Variants in FOXO3B observed in about 807,000 individuals in gnomAD.
FOXO3B encodes forkhead box O3B, also known as forkhead box protein O3B.
A neutral mutation model predicts 21.9 loss-of-function variants in FOXO3B; 15 were observed. The ratio of observed to expected loss-of-function variants is 0.68; its 90% confidence interval spans 0.46 to 1.05. The LOEUF (loss-of-function observed/expected upper bound fraction) is 1.05, where lower values mean the gene tolerates loss of function less well. FOXO3B is among the 50% of genes least tolerant of loss of function. FOXO3B has a pLI of 0.00. For missense variants in FOXO3B, 293 were observed against 435.5 expected (o/e 0.67, Z 2.91); for synonymous variants, 135 against 213.6 (o/e 0.63, Z 3.21).
chr17:18,677,866 G>T lies in FOXO3B; in HGVS notation c.126+2875C>A, dbSNP rs1249151234. 4 of 869,804 alleles carry T rather than the reference G, an allele frequency of 4.6e-6. No individual in the cohort carries two copies. The African/African-American group carries it at 7.4e-5, about 16-fold the overall frequency. The allele number at this position is 869,804 out of a possible 1,614,324, so 53.9% of individuals were successfully genotyped here. On this transcript the variant is annotated intron_variant, in intron 3 of 3. Coordinates refer to ENST00000395675, the MANE Select transcript of FOXO3B (RefSeq NM_001368135.1). ...TGGCTGGGGTCGGGGAGGGTACAGG[G>T]GGCACTGAGACCTGGATTTGTTTTT...
intron 2 of FOXO3B, among the ~76,000 whole-genome samples, 158 bp from the exon 3 acceptor site, chr17:18,680,987 G>A (rs1456669046): frequency 1.3e-5 from 2 of 151,898 alleles, no homozygotes; most frequent in East Asian, 1.9e-4. Flanking sequence ...CCCTCTTCCC[G>A]GGATATGCGG....
At chr17:18,678,095 GA>G (rs1433176061) in intron 3 of FOXO3B, among the ~76,000 whole-genome samples, 1 of 151,812 alleles carries the variant, frequency 6.6e-6, no homozygotes, top group Non-Finnish European at 1.5e-5. Flanking sequence ...AAAATTAGAA[GA>G]AAAAGCCAGA....
chr17:18,673,243 A>G (rs1178118124), intron 3 of FOXO3B, among the ~76,000 whole-genome samples, 188 bp from the exon 4 acceptor site: 2 of 152,222 alleles, frequency 1.3e-5, no homozygotes, highest in African/African-American at 2.4e-5. Context: ...AAAAAAATAT[A>G]CTGTGCTAAC....
intron 3 of FOXO3B, chr17:18,677,706 A>C (rs930087269): frequency 2.8e-5 from 45 of 1,600,290 alleles, no homozygotes; most frequent in Admixed American, 1.2e-4. Context: ...GCGCGATAAG[A>C]AGCTGGCGGC....
At chr17:18,675,988 A>G (rs2032476593) in intron 3 of FOXO3B, among the ~76,000 whole-genome samples, 1 of 152,204 alleles carries the variant, frequency 6.6e-6, no homozygotes, top group Admixed American at 6.5e-5. Flanking sequence ...GATTAGAAGA[A>G]CCAATTTCTT....
Position 18,672,986 on chromosome 17 carries a change from G to A in FOXO3B, c.196C>T (p.Pro66Ser), listed in dbSNP as rs1431872745. ...RGVHVPPPLH[P>S]APAREESART... is the part of the protein sequence containing the mutation. ...GCGCTCTCCTCTCGCGCCGGGGCGGGGTGCAGCGGGGGAGGGACGTGGACG... is the reference window on the plus strand; with the variant it reads ...GCGCTCTCCTCTCGCGCCGGGGCGGAGTGCAGCGGGGGAGGGACGTGGACG... The change falls in exon 4 of 4, where the codon CCC becomes TCC. Residue 66 changes from proline (P) to serine (S), a missense_variant. Physicochemically the swap from Pro to Ser is moderately conservative, Grantham distance 74 (BLOSUM62 -1). This residue lies in a region of FOXO3B where 251 missense variants were observed against 404.0 expected (regional missense o/e 0.62). Coordinates refer to ENST00000395675, the MANE Select transcript of FOXO3B (RefSeq NM_001368135.1). This position sits in a 1 kb window ranked among gnomAD's most constrained non-coding sequence, Gnocchi z 4.2. 7 of 1,473,500 alleles carry A rather than the reference G, an allele frequency of 4.8e-6. No individual in the cohort carries two copies. Among genetic ancestry groups the A allele is most frequent in the Middle Eastern group, 4.9e-4 (2 of 4,094 alleles). 91.3% of individuals were successfully genotyped at this position (1,473,500 alleles called of 1,614,324 possible). A position where few individuals can be genotyped will look rare whatever the true frequency, so the allele number is the denominator to read the frequency against.
intron 3 of FOXO3B, among the ~76,000 whole-genome samples, chr17:18,673,934 A>G (rs929512415): frequency 1.1e-4 from 16 of 148,040 alleles, no homozygotes; most frequent in Non-Finnish European, 2.4e-4. Context: ...GGGTGATGTA[A>G]AGACTGTGCG....
In FOXO3B at chr17:18,672,946, G is replaced by A. The variant is rs2032406780; in HGVS notation, c.236C>T (p.Ala79Val). Reference sequence around the variant, plus strand: ...TGCCATCTTCGCCGCCCGCCCGGCCGCGGCTGGGGTTCTCGCGCTCTCCTC... The same window carrying A: ...TGCCATCTTCGCCGCCCGCCCGGCCACGGCTGGGGTTCTCGCGCTCTCCTC... ...AREESARTPA[A>V]AGRAAKMAEA... The change falls in exon 4 of 4, where the codon GCG becomes GTG. Residue 79 changes from alanine (A) to valine (V), a missense_variant. By Grantham distance (64) the Ala-to-Val change is moderately conservative (BLOSUM62 0). Around this residue, in one of 2 missense-constraint regions of FOXO3B, gnomAD observed 251 missense variants for 404.0 expected, o/e 0.62. Transcript: ENST00000395675. This position sits in a 1 kb window ranked among gnomAD's most constrained non-coding sequence, Gnocchi z 4.2. 2 of 1,526,168 alleles carry A rather than the reference G, an allele frequency of 1.3e-6. No individual in the cohort carries two copies. Among genetic ancestry groups the A allele is most frequent in the Non-Finnish European group, 1.8e-6 (2 of 1,139,130 alleles). 94.5% of individuals were successfully genotyped at this position (1,526,168 alleles called of 1,614,324 possible).
At position 18,671,380 on chromosome 17, in the gene FOXO3B, T is replaced by C; in HGVS notation, c.*929A>G. 6.2e-7 allele frequency: 1 copy of C among 1,613,518 alleles called. No homozygotes were observed. Among genetic ancestry groups the C allele is most frequent in the East Asian group, 2.2e-5 (1 of 44,828 alleles). The stretch of plus-strand genomic sequence containing the variant: ...TTAGGCTGGGCAGCAAAGGACATCA[T>C]CGGATCATTGCGAAGCATCACGTTC... On this transcript the variant is annotated 3_prime_UTR_variant, in exon 4 of 4. Coordinates refer to ENST00000395675, the MANE Select transcript of FOXO3B (RefSeq NM_001368135.1).
chr17:18,673,805 G>A (rs1171167198), intron 3 of FOXO3B, among the ~76,000 whole-genome samples: 5 of 151,352 alleles, frequency 3.3e-5, no homozygotes, highest in East Asian at 1.9e-4. Context: ...GGGCAAAGGC[G>A]GAATCACAAA....
chr17:18,679,455 T>C (rs113253057), intron 3 of FOXO3B, among the ~76,000 whole-genome samples: 95 of 121,264 alleles, frequency 7.8e-4, no homozygotes, highest in African/African-American at 1.8e-3. Flanking sequence ...TCCTCAACTT[T>C]TTTTTTTTTT....
intron 3 of FOXO3B, among the ~76,000 whole-genome samples, chr17:18,679,166 GT>G (rs1354164421): frequency 6.6e-6 from 1 of 152,104 alleles, no homozygotes; most frequent in Non-Finnish European, 1.5e-5. Context: ...TTTTCAGTTT[GT>G]TAGTCAATAG....
chr17:18,673,600 A>G (rs2032419946), intron 3 of FOXO3B, among the ~76,000 whole-genome samples: 2 of 152,138 alleles, frequency 1.3e-5, no homozygotes, highest in South Asian at 4.1e-4. Context: ...GAGATGGAAG[A>G]AGAGTAGTTG....
intron 3 of FOXO3B, among the ~76,000 whole-genome samples, chr17:18,675,817 T>A (rs535061920): frequency 1.5e-3 from 230 of 152,206 alleles, no homozygotes; most frequent in Middle Eastern, 6.8e-3. Context: ...CAAAAATAAA[T>A]ACCTGTAAAA....
chr17:18,677,197 A>G, intron 3 of FOXO3B: 2 of 1,368,292 alleles, frequency 1.5e-6, no homozygotes, highest in Non-Finnish European at 2.0e-6. Context: ...CCTCTTTGGC[A>G]CTATCTACCA....
chr17:18,672,003 G>C lies in FOXO3B; in HGVS notation c.*306C>G. 8.1e-6 allele frequency: 13 copies of C among 1,611,888 alleles called. No homozygotes were observed. The highest frequency in any genetic ancestry group is 1.1e-5 in the Non-Finnish European group (13 of 1,179,006). On this transcript the variant is annotated 3_prime_UTR_variant, in exon 4 of 4. Coordinates refer to ENST00000395675, the MANE Select transcript of FOXO3B (RefSeq NM_001368135.1). This position sits in a 1 kb window ranked among gnomAD's most constrained non-coding sequence, Gnocchi z 4.2. ...CGTTAGAATTGGTGCGTGAACGGAA[G>C]TCCGTCCACGCATCCAGCTCATCAC...
At position 18,672,296 on chromosome 17, in the gene FOXO3B, G is replaced by T; in HGVS notation, c.*13C>A. The T allele has an allele frequency of 6.2e-7, 1 of 1,611,846 alleles. No individual in the cohort carries two copies. The highest frequency in any genetic ancestry group is 8.5e-7 in the Non-Finnish European group (1 of 1,178,404). On this transcript the variant is annotated 3_prime_UTR_variant, in exon 4 of 4. Coordinates refer to ENST00000395675, the MANE Select transcript of FOXO3B (RefSeq NM_001368135.1). The surrounding 1 kb of genome is among the most constrained non-coding windows in gnomAD (Gnocchi z 4.2). ...CGACTATGCAGTGACAGGTTGTGCC[G>T]GATGGAGTTCTTCTAGCCGGCAGAG...
chr17:18,671,741 C>A lies in FOXO3B; in HGVS notation c.*568G>T, dbSNP rs1413537823. On this transcript the variant is annotated 3_prime_UTR_variant, in exon 4 of 4. Transcript: ENST00000395675. ...TGGGCGATGGCTGGGATGGCGGGAG[C>A]GTGATGTTATCCAGCAGGTCGTCCA... 1 of 1,613,480 alleles carries A rather than the reference C, an allele frequency of 6.2e-7. No homozygotes were observed. The highest frequency in any genetic ancestry group is 1.3e-5 in the African/African-American group (1 of 74,776).
intron 3 of FOXO3B, among the ~76,000 whole-genome samples, chr17:18,674,289 C>A (rs1244691104): frequency 6.6e-6 from 1 of 151,928 alleles, no homozygotes; most frequent in African/African-American, 2.4e-5. Context: ...TTGGGCCACA[C>A]TTTTTATACA....
Sources: allele counts gnomAD v4.1 joint callset (sites outside exome capture counted in the v4.1 genomes callset), GRCh38; gene constraint gnomAD v4.1.1; regional missense constraint gnomAD v4.1.1; non-coding constraint Gnocchi (gnomAD v3.1); transcripts MANE v1.5; gene names NCBI Gene and HGNC (gene_info 2026-07-23, HGNC 2026-07-21).